Variants in ATP13A3 observed in about 807,000 individuals in gnomAD.
ATP13A3 encodes polyamine-transporting ATPase 13A3.
Under a neutral mutation model 158.1 loss-of-function variants are expected in ATP13A3, and 59 were observed. The observed-to-expected ratio is 0.37, with a 90% CI of 0.30 to 0.46. The LOEUF is 0.46. Ranked by LOEUF, ATP13A3 falls within the 20% of genes least tolerant of loss-of-function variation. The pLI, the probability that ATP13A3 is intolerant of heterozygous loss-of-function variation, is 1.00. For missense variants in ATP13A3, 1,166 were observed against 1,525.2 expected, an observed-to-expected ratio of 0.76 and a Z score of 3.92; for synonymous variants, 491 against 504.3, an observed-to-expected ratio of 0.97 and a Z score of 0.35.
At chr3:194,436,330 C>T (rs746561459) in intron 20 of ATP13A3, among the ~76,000 whole-genome samples, 4 of 152,004 alleles carry the variant, frequency 2.6e-5, no homozygotes, top group South Asian at 2.1e-4. Flanking sequence ...TGTCATTTGA[C>T]GGGGGGACAT....
In ATP13A3 at chr3:194,450,432, T is replaced by C. The variant is rs183240230; in HGVS notation, c.839-156A>G. On this transcript the variant is annotated intron_variant, in intron 10 of 33. Coordinates refer to ENST00000645319, the MANE Select transcript of ATP13A3 (RefSeq NM_001367549.1). ...AAATGGCAAGTTTTAACAAATAAGA[T>C]TATTAGGCTAACAAAGCACGGTGTG... 42 of 708,732 alleles carry C rather than the reference T, an allele frequency of 5.9e-5. 1 individual carries two copies. Among genetic ancestry groups the C allele is most frequent in the African/African-American group, 4.1e-4 (23 of 55,602 alleles). The allele number at this position is 708,732 out of a possible 1,614,324, so 43.9% of individuals were successfully genotyped here.
chr3:194,410,941 T>TTG (rs1267288337), intron 33 of ATP13A3, among the ~76,000 whole-genome samples: 5 of 108,646 alleles, frequency 4.6e-5, no homozygotes, highest in East Asian at 5.8e-4. Flanking sequence ...TGTTGGGGTG[T>TTG]GTGTGTGTGT....
intron 2 of ATP13A3, among the ~76,000 whole-genome samples, chr3:194,475,988 C>T (rs1218491505): frequency 2.6e-5 from 4 of 152,164 alleles, no homozygotes; most frequent in Admixed American, 1.3e-4. Flanking sequence ...AGGAATGACA[C>T]GTAGGCAGCA....
intron 33 of ATP13A3, among the ~76,000 whole-genome samples, chr3:194,408,168 C>T (rs961306042): frequency 2.6e-5 from 4 of 151,928 alleles, no homozygotes; most frequent in Non-Finnish European, 4.4e-5. Flanking sequence ...TACAGGCACG[C>T]GCCACCACGC....
Position 194,405,987 on chromosome 3 carries a change from G to C in ATP13A3, c.3703C>G (p.Gln1235Glu). Residue 1235 changes from glutamine (Q) to glutamate (E), a missense_variant, in exon 34 of 34, where the codon CAG becomes GAG. Gln to Glu is a conservative substitution (Grantham distance 29, BLOSUM62 2). Transcript: ENST00000645319. ...LVDPEWPPKPQTTTEAKALVK... is the reference protein window; with the variant it reads ...LVDPEWPPKPETTTEAKALVK... Reference sequence around the variant, plus strand: ...AAAGCTTTAGCTTCTGTGGTTGTCTGAGGTTTTGGTGGCCATTCTGGATCA... The same window carrying C: ...AAAGCTTTAGCTTCTGTGGTTGTCTCAGGTTTTGGTGGCCATTCTGGATCA... 6.2e-7 allele frequency: 1 copy of C among 1,614,176 alleles called. No homozygotes were observed. Among genetic ancestry groups the C allele is most frequent in the Non-Finnish European group, 8.5e-7 (1 of 1,180,028 alleles).
chr3:194,430,641 T>G (rs1322720398), intron 24 of ATP13A3, among the ~76,000 whole-genome samples: 4 of 152,272 alleles, frequency 2.6e-5, no homozygotes, highest in South Asian at 2.1e-4. Context: ...CAGTAAAAAT[T>G]TATCCCTTAA....
intron 33 of ATP13A3, among the ~76,000 whole-genome samples, chr3:194,411,496 C>G (rs948920475): frequency 6.6e-6 from 1 of 152,104 alleles, no homozygotes; most frequent in African/African-American, 2.4e-5. Context: ...GTATCTGTAT[C>G]AAGAGCTATA....
intron 32 of ATP13A3, chr3:194,412,823 C>T (rs1178403987): frequency 1.3e-5 from 2 of 154,488 alleles, no homozygotes; most frequent in Non-Finnish European, 2.9e-5. Flanking sequence ...TGGGCAACTT[C>T]AAAAGGTCAG....
At chr3:194,420,790 T>C (rs1716233161) in intron 30 of ATP13A3, among the ~76,000 whole-genome samples, 1 of 151,962 alleles carries the variant, frequency 6.6e-6, no homozygotes, top group Non-Finnish European at 1.5e-5. Context: ...GCTCCAAAAT[T>C]TTCTAATATA....
intron 2 of ATP13A3, among the ~76,000 whole-genome samples, chr3:194,467,160 A>G (rs1467903802): frequency 6.6e-6 from 1 of 152,224 alleles, no homozygotes; most frequent in Non-Finnish European, 1.5e-5. Context: ...AGCATGTTTT[A>G]TAACTTTAGA....
chr3:194,418,729 C>T (rs560597836), intron 31 of ATP13A3, among the ~76,000 whole-genome samples: 4 of 152,164 alleles, frequency 2.6e-5, no homozygotes, highest in African/African-American at 4.8e-5. Flanking sequence ...CAACTTGGCA[C>T]GTGGTAGCTG....
chr3:194,406,075 G>A lies in ATP13A3; in HGVS notation c.3615C>T (p.Ala1205=), dbSNP rs1477686201. Residue 1205 remains alanine (A), a synonymous_variant, in exon 34 of 34, where the codon GCC becomes GCT. Transcript: ENST00000645319. Reference sequence around the variant, plus strand: ...TTGGTGTCTTCTTTCTACAGCCCAGGGCCCAGGGTAAGCAGCATTTTCCCC... The same window carrying A: ...TTGGTGTCTTCTTTCTACAGCCCAGAGCCCAGGGTAAGCAGCATTTTCCCC... ...DRWGKCCLPW[A]LGCRKKTPKA... 6.2e-7 allele frequency: 1 copy of A among 1,614,020 alleles called. No homozygotes were observed. Among genetic ancestry groups the A allele is most frequent in the South Asian group, 1.1e-5 (1 of 91,080 alleles).
In ATP13A3 at chr3:194,419,911, A is replaced by C. The variant is rs1139263; in HGVS notation, c.3370T>G (p.Tyr1124Asp). 1 of 1,558,650 alleles carries C rather than the reference A, an allele frequency of 6.4e-7. No homozygotes were observed. The highest frequency in any genetic ancestry group is 8.6e-7 in the Non-Finnish European group (1 of 1,162,936). Residue 1124 changes from tyrosine to aspartate, a missense_variant, in exon 31 of 34, where the codon TAT (tyrosine) becomes GAT (aspartate). Tyr to Asp is a radical substitution (Grantham distance 160). Coordinates refer to ENST00000645319, the MANE Select transcript of ATP13A3 (RefSeq NM_001367549.1). Reference protein sequence around the residue: ...LYIFILFIMLYPVASVDQVLQ... With the variant: ...LYIFILFIMLDPVASVDQVLQ... ...ACCTGGTCAACAGAGGCAACTGGAT[A>C]CAACATGATGAATAATATAAAAATA... is the stretch of plus-strand genomic sequence containing the variant.
chr3:194,471,519 A>T (rs112774668), intron 2 of ATP13A3, among the ~76,000 whole-genome samples: 4,291 of 151,918 alleles, frequency 0.028, 138 homozygotes, highest in African/African-American at 0.076. Context: ...ACGCCCAGCA[A>T]ATTTGTTGTG....
At chr3:194,440,823 G>A (rs981756021) in intron 16 of ATP13A3, among the ~76,000 whole-genome samples, 1 of 152,156 alleles carries the variant, frequency 6.6e-6, no homozygotes, top group Non-Finnish European at 1.5e-5. Flanking sequence ...AACAACCAGA[G>A]AACGTAAGCA....
chr3:194,443,750 G>C (rs1393899363), intron 15 of ATP13A3, among the ~76,000 whole-genome samples: 1 of 151,970 alleles, frequency 6.6e-6, no homozygotes, highest in African/African-American at 2.4e-5. Context: ...AAAACTACAG[G>C]AGTAAAACTT....
Position 194,403,953 on chromosome 3 carries a change from T to C in ATP13A3, c.*1966A>G. The stretch of plus-strand genomic sequence containing the variant: ...TGTCAAAAATAGCTCTTTATGATCA[T>C]GCTCTTAAAGATGTTAAATACAATC... On this transcript the variant is annotated 3_prime_UTR_variant, in exon 34 of 34. Coordinates refer to ENST00000645319, the MANE Select transcript of ATP13A3 (RefSeq NM_001367549.1). The C allele has an allele frequency of 2.9e-6, 1 of 340,502 alleles. No homozygotes were observed. Among genetic ancestry groups the C allele is most frequent in the Non-Finnish European group, 5.7e-6 (1 of 175,184 alleles). 21.1% of individuals were successfully genotyped at this position (340,502 alleles called of 1,614,324 possible). A position where few individuals can be genotyped will look rare whatever the true frequency, so the allele number is the denominator to read the frequency against.
At chr3:194,429,621 C>A in intron 27 of ATP13A3, 57 bp downstream of exon 27, 2 of 1,338,158 alleles carry the variant, frequency 1.5e-6, no homozygotes, top group Non-Finnish European at 2.1e-6. Context: ...ATACGCTCAA[C>A]ATCTTAATTT....
At chr3:194,414,519 A>G (rs1285257626) in intron 31 of ATP13A3, among the ~76,000 whole-genome samples, 1 of 152,058 alleles carries the variant, frequency 6.6e-6, no homozygotes, top group African/African-American at 2.4e-5. Context: ...ACTCAATTAT[A>G]AAGACAACTT....
Sources: allele counts gnomAD v4.1 joint callset (sites outside exome capture counted in the v4.1 genomes callset), GRCh38; gene constraint gnomAD v4.1.1; transcripts MANE v1.5; gene names NCBI Gene and HGNC (gene_info 2026-07-23, HGNC 2026-07-21).